DTNB: variants seen among roughly 807,000 people sequenced by gnomAD.
DTNB encodes DTN-B.
DTNB carries 63 observed loss-of-function variants against 90.7 expected under a neutral mutation model. The ratio of observed to expected loss-of-function variants is 0.69; its 90% CI spans 0.57 to 0.86. DTNB has a LOEUF of 0.86. Among genes scored for constraint, DTNB ranks in the 40% least tolerant of loss-of-function variants. The pLI, the probability that DTNB is intolerant of heterozygous loss-of-function variation, is 0.00. For synonymous variants in DTNB, 277 were observed against 286.7 expected, an observed-to-expected ratio of 0.97 and a Z score of 0.34; for missense variants, 744 against 807.1, an observed-to-expected ratio of 0.92 and a Z score of 0.95.
At chr2:25,383,971 G>A in intron 18 of DTNB, 82 bp from the exon 19 acceptor site, 1 of 1,606,086 alleles carries the variant, frequency 6.2e-7, no homozygotes, top group Non-Finnish European at 8.5e-7. Flanking sequence ...CAACTGCTGA[G>A]GCTTGGGAGG....
At chr2:25,402,420 A>ACTT (rs2043965602) in intron 16 of DTNB, among the ~76,000 whole-genome samples, 1 of 152,176 alleles carries the variant, frequency 6.6e-6, no homozygotes, top group Non-Finnish European at 1.5e-5. Flanking sequence ...CTGCAAGCTT[A>ACTT]AGTGCTGCGG....
At chr2:25,567,602 C>T (rs2059232325) in intron 8 of DTNB, among the ~76,000 whole-genome samples, 1 of 152,148 alleles carries the variant, frequency 6.6e-6, no homozygotes, top group Non-Finnish European at 1.5e-5. Context: ...GTGGACTCTG[C>T]CATCTGCTGG....
chr2:25,653,625 C>T (rs1574078805), intron 1 of DTNB, among the ~76,000 whole-genome samples: 1 of 151,034 alleles, frequency 6.6e-6, no homozygotes, highest in Non-Finnish European at 1.5e-5. Context: ...AATTCTTGTG[C>T]CTCAGCCTCC....
chr2:25,581,514 G>A (rs553447624), intron 6 of DTNB, among the ~76,000 whole-genome samples: 1 of 152,300 alleles, frequency 6.6e-6, no homozygotes, highest in Non-Finnish European at 1.5e-5. Context: ...TCCCTAGCTA[G>A]ACTGCATTTT....
chr2:25,624,894 A>C (rs1334690921), intron 4 of DTNB, among the ~76,000 whole-genome samples: 1 of 152,172 alleles, frequency 6.6e-6, no homozygotes, highest in African/African-American at 2.4e-5. Context: ...GCTTTCACTA[A>C]GATTCTACAC....
chr2:25,640,048 C>G (rs542980513), intron 2 of DTNB, among the ~76,000 whole-genome samples: 1 of 152,218 alleles, frequency 6.6e-6, no homozygotes. Flanking sequence ...GATGTCAGCA[C>G]TGAACGCTGT....
chr2:25,617,899 C>G (rs1404396602), intron 4 of DTNB, among the ~76,000 whole-genome samples: 2 of 152,082 alleles, frequency 1.3e-5, no homozygotes, highest in Non-Finnish European at 2.9e-5. Context: ...TAAAAAGAAA[C>G]TTATTAAAGA....
rs548520506 is a variant in DTNB, at chr2:25,611,704, T to C, written c.363-4383A>G. ...CTAAAGTGATTATATCTGGGAACTGTGGCGCATGCCTGTAGTACCAGCTAC... is the reference window on the plus strand; with the variant it reads ...CTAAAGTGATTATATCTGGGAACTGCGGCGCATGCCTGTAGTACCAGCTAC... On this transcript the variant is annotated intron_variant, in intron 4 of 20. Transcript: ENST00000406818. Among the ~76,000 whole-genome samples the C allele has an allele frequency of 3.9e-3, 596 of 152,272 alleles. 1 individual carries two copies. Among genetic ancestry groups the C allele is most frequent in the Non-Finnish European group, 6.4e-3 (434 of 68,026 alleles).
At chr2:25,538,777 A>G (rs79283203) in intron 8 of DTNB, among the ~76,000 whole-genome samples, 106 of 152,106 alleles carry the variant, frequency 7.0e-4, no homozygotes, top group Non-Finnish European at 1.1e-3. Context: ...AAAAGTTATA[A>G]AACAAATACC....
chr2:25,639,228 AAAC>A (rs1287493919), intron 2 of DTNB, 134 bp from the exon 3 acceptor site: 6 of 719,122 alleles, frequency 8.3e-6, no homozygotes, highest in Admixed American at 6.1e-5. Context: ...GGGTCAATTA[AAAC>A]AACAACAGAG....
chr2:25,591,175 A>G (rs1046974564), intron 6 of DTNB, among the ~76,000 whole-genome samples: 1 of 152,222 alleles, frequency 6.6e-6, no homozygotes. Flanking sequence ...CAGCGGGAGC[A>G]GACACCTCCA....
At chr2:25,492,820 A>G (rs2067856395) in intron 9 of DTNB, among the ~76,000 whole-genome samples, 1 of 152,100 alleles carries the variant, frequency 6.6e-6, no homozygotes, top group African/African-American at 2.4e-5. Flanking sequence ...ACTGCACTCC[A>G]GAGTGGGTGA....
chr2:25,526,395 A>ATATATATTTTTTTTTTTTT, intron 9 of DTNB, among the ~76,000 whole-genome samples: 5 of 49,828 alleles, frequency 1.0e-4, no homozygotes, highest in African/African-American at 4.9e-4. Flanking sequence ...ATATATATAT[A>ATATATATTTTTTTTTTTTT]TTTTTTTTTT....
At chr2:25,654,615 T>C (rs2081692816) in intron 1 of DTNB, among the ~76,000 whole-genome samples, 1 of 152,246 alleles carries the variant, frequency 6.6e-6, no homozygotes, top group Non-Finnish European at 1.5e-5. Flanking sequence ...ATTCTAACAA[T>C]AGTTTTCTTT....
chr2:25,521,862 G>A (rs670343), intron 9 of DTNB, among the ~76,000 whole-genome samples: 41,009 of 152,172 alleles, frequency 0.27, 6,055 homozygotes, highest in East Asian at 0.51. Flanking sequence ...TGAATCCCAG[G>A]TGTGTGCAGC....
At chr2:25,535,853 A>G (rs1466820601) in intron 8 of DTNB, among the ~76,000 whole-genome samples, 1 of 135,878 alleles carries the variant, frequency 7.4e-6, no homozygotes, top group African/African-American at 2.8e-5. Flanking sequence ...GCGGCCGGGC[A>G]GAGGCGCTCC....
intron 9 of DTNB, among the ~76,000 whole-genome samples, chr2:25,507,573 T>C (rs2072781811): frequency 6.6e-6 from 1 of 152,202 alleles, no homozygotes; most frequent in Admixed American, 6.5e-5. Context: ...AATGTTCGTG[T>C]ATCTTATCAC....
chr2:25,533,353 G>C (rs2078648631), intron 8 of DTNB, among the ~76,000 whole-genome samples: 1 of 152,172 alleles, frequency 6.6e-6, no homozygotes, highest in African/African-American at 2.4e-5. Context: ...AAACATTCTG[G>C]GAAAAGTCTA....
intron 9 of DTNB, among the ~76,000 whole-genome samples, chr2:25,498,331 G>A (rs979951038): frequency 4.6e-5 from 7 of 152,180 alleles, no homozygotes; most frequent in African/African-American, 1.7e-4. Context: ...TAGTGTGACT[G>A]TTACTACACA....
Sources: allele counts gnomAD v4.1 joint callset (sites outside exome capture counted in the v4.1 genomes callset), GRCh38; gene constraint gnomAD v4.1.1; transcripts MANE v1.5; gene names NCBI Gene and HGNC (gene_info 2026-07-23, HGNC 2026-07-21).